The following PCDHGB7 variants were observed in gnomAD, a reference collection of about 807,000 sequenced individuals.
PCDHGB7 encodes protocadherin gamma-B7.
PCDHGB7 carries 37 observed loss-of-function variants against 61.4 expected under a neutral mutation model. The ratio of observed to expected loss-of-function variants is 0.60; its 90% CI spans 0.46 to 0.79. PCDHGB7 has a LOEUF of 0.79. Among genes scored for constraint, PCDHGB7 ranks in the 30% least tolerant of loss-of-function variants. The pLI is 0.00. For synonymous variants in PCDHGB7, 464 were observed against 503.5 expected (o/e 0.92, Z 1.05); for missense variants, 1,166 against 1,202.5 (o/e 0.97, Z 0.45).
Position 141,489,089 on chromosome 5 carries a change from A to T in PCDHGB7, c.2416-5718A>T, listed in dbSNP as rs1214993065. The T allele has an allele frequency of 7.4e-5, 21 of 284,398 alleles. No homozygotes were observed. Among genetic ancestry groups the T allele is most frequent in the East Asian group, 1.1e-4 (2 of 17,560 alleles). The allele number at this position is 284,398 out of a possible 1,614,324, so 17.6% of individuals were successfully genotyped here. On this transcript the variant is annotated intron_variant, in intron 1 of 3. Coordinates refer to ENST00000398594, the MANE Select transcript of PCDHGB7 (RefSeq NM_018927.4). This position sits in a 1 kb window ranked among gnomAD's most constrained non-coding sequence, Gnocchi z 4.5. ...CCCTGCCCACCCCCGCCACTCGGTGACTAAGAACTGCTGCAAGCAGGCAAA... is the reference window on the plus strand; with the variant it reads ...CCCTGCCCACCCCCGCCACTCGGTGTCTAAGAACTGCTGCAAGCAGGCAAA...
intron 1 of PCDHGB7, among the ~76,000 whole-genome samples, chr5:141,436,713 G>C (rs2097842329): frequency 6.6e-6 from 1 of 152,308 alleles, no homozygotes; most frequent in East Asian, 1.9e-4. Flanking sequence ...TCGATGTTCT[G>C]TTGGGAAAAA....
At position 141,431,641 on chromosome 5, in the gene PCDHGB7, A is replaced by G. The variant is rs772686680; in HGVS notation, c.2415+11367A>G. ...ACAAGGCGGCCCAAGTTTTCAAACT[A>G]GATTGTAATTCAGGGACAATATCAA... is the stretch of plus-strand genomic sequence containing the variant. On this transcript the variant is annotated intron_variant, in intron 1 of 3. Coordinates refer to ENST00000398594, the MANE Select transcript of PCDHGB7 (RefSeq NM_018927.4). This position sits in a 1 kb window ranked among gnomAD's most constrained non-coding sequence, Gnocchi z 4.8. The G allele has an allele frequency of 6.2e-7, 1 of 1,614,270 alleles. No individual in the cohort carries two copies. Among genetic ancestry groups the G allele is most frequent in the South Asian group, 1.1e-5 (1 of 91,092 alleles).
At chr5:141,505,592 A>G in intron 3 of PCDHGB7, 111 bp downstream of exon 3, 1 of 1,567,266 alleles carries the variant, frequency 6.4e-7, no homozygotes. Context: ...GTTTCTCCAG[A>G]TCTTTCGGCA....
rs779656906 is a variant in PCDHGB7 at position 141,476,872 on chromosome 5, C to T, written c.2416-17935C>T. On this transcript the variant is annotated intron_variant, in intron 1 of 3. Transcript: ENST00000398594. The surrounding 1 kb of genome is among the most constrained non-coding windows in gnomAD (Gnocchi z 7.6). ...TCAACCAGTCCTTGTACCGGGCGCG[C>T]GTCCTGGAGGATGCACCCTCCGGCA... 1.6e-4 allele frequency: 254 copies of T among 1,613,734 alleles called. No individual in the cohort carries two copies. The highest frequency in any genetic ancestry group is 2.1e-4 in the Non-Finnish European group (248 of 1,180,054).
rs949391796 is a variant in PCDHGB7 at position 141,493,050 on chromosome 5, A to G, written c.2416-1757A>G. 6.6e-6 allele frequency among the ~76,000 whole-genome samples: 1 copy of G among 152,262 alleles called. No homozygotes were observed. The highest frequency in any genetic ancestry group is 2.4e-5 in the African/African-American group (1 of 41,464). On this transcript the variant is annotated intron_variant, in intron 1 of 3. Coordinates refer to ENST00000398594, the MANE Select transcript of PCDHGB7 (RefSeq NM_018927.4). The surrounding 1 kb of genome is among the most constrained non-coding windows in gnomAD (Gnocchi z 4.3). Reference sequence around the variant, plus strand: ...CCCTTATGTGTGAGGAAACTACAATAGTAAAAAACACAAGTTTCTCCAACT... The same window carrying G: ...CCCTTATGTGTGAGGAAACTACAATGGTAAAAAACACAAGTTTCTCCAACT...
Position 141,432,292 on chromosome 5 carries a change from T to G in PCDHGB7, c.2415+12018T>G. 6.2e-7 allele frequency: 1 copy of G among 1,614,196 alleles called. No homozygotes were observed. The highest frequency in any genetic ancestry group is 8.5e-7 in the Non-Finnish European group (1 of 1,180,042). On this transcript the variant is annotated intron_variant, in intron 1 of 3. Transcript: ENST00000398594. This position sits in a 1 kb window ranked among gnomAD's most constrained non-coding sequence, Gnocchi z 6.0. Reference sequence around the variant, plus strand: ...CCTACGTGTCCATCAACTCCGACACTGGGGTACTGTATGCGCTGAGCTCCT... The same window carrying G: ...CCTACGTGTCCATCAACTCCGACACGGGGGTACTGTATGCGCTGAGCTCCT...
At chr5:141,461,242 T>G (rs1246270739) in intron 1 of PCDHGB7, among the ~76,000 whole-genome samples, 1 of 152,170 alleles carries the variant, frequency 6.6e-6, no homozygotes, top group Non-Finnish European at 1.5e-5. Context: ...TGTACTAATT[T>G]ATATTCCCAG....
chr5:141,508,507 TGGTCCAGCCCAACCTCAG>T (rs1377043623), intron 3 of PCDHGB7, among the ~76,000 whole-genome samples: 1 of 152,178 alleles, frequency 6.6e-6, no homozygotes, highest in Non-Finnish European at 1.5e-5. Flanking sequence ...CTCTCCCTCC[TGGTCCAGCCCAACCTCAG>T]GGCACCCCCC....
Position 141,417,902 on chromosome 5 carries a change from C to G in PCDHGB7, c.43C>G (p.Gln15Glu), listed in dbSNP as rs2096184021. Residue 15 changes from glutamine to glutamate, a missense_variant, in exon 1 of 4, where the codon CAG becomes GAG. By Grantham distance (29) the Gln-to-Glu change is conservative (BLOSUM62 2). Coordinates refer to ENST00000398594, the MANE Select transcript of PCDHGB7 (RefSeq NM_018927.4). ...CAQRRRAGPR[Q>E]VLFPLLLPLF... is the part of the protein sequence containing the mutation. Reference sequence around the variant, plus strand: ...GCAGAGGCGCCGGGCCGGCCCGCGGCAGGTACTATTTCCTTTGCTGCTGCC... The same window carrying G: ...GCAGAGGCGCCGGGCCGGCCCGCGGGAGGTACTATTTCCTTTGCTGCTGCC... The G allele has an allele frequency of 6.3e-7, 1 of 1,588,280 alleles. No individual in the cohort carries two copies. Among genetic ancestry groups the G allele is most frequent in the Non-Finnish European group, 8.6e-7 (1 of 1,167,002 alleles).
At chr5:141,447,023 G>GTT (rs5871773) in intron 1 of PCDHGB7, among the ~76,000 whole-genome samples, 2,010 of 151,524 alleles carry the variant, frequency 0.013, 40 homozygotes, top group African/African-American at 0.047. Context: ...GTTTTGTTTT[G>GTT]TTTTTTTTCT....
chr5:141,438,337 T>C (rs935624931), intron 1 of PCDHGB7, among the ~76,000 whole-genome samples: 25 of 151,926 alleles, frequency 1.6e-4, no homozygotes, highest in Non-Finnish European at 1.9e-4. Context: ...ACATGTCATA[T>C]AAGGATCTAC....
chr5:141,455,109 G>A (rs2098813382), intron 1 of PCDHGB7, among the ~76,000 whole-genome samples: 1 of 151,932 alleles, frequency 6.6e-6, no homozygotes, highest in South Asian at 2.1e-4. Context: ...ACTGCGCCCG[G>A]TGGGTCTAAT....
intron 1 of PCDHGB7, chr5:141,423,505 C>G: frequency 6.2e-7 from 1 of 1,613,932 alleles, no homozygotes; most frequent in Non-Finnish European, 8.5e-7. Context: ...CGAGGTCTCT[C>G]TCATTGCGGA....
At chr5:141,494,954 G>A in intron 2 of PCDHGB7, 89 bp downstream of exon 2, 2 of 1,601,116 alleles carry the variant, frequency 1.2e-6, no homozygotes. Context: ...CCCAGCATTT[G>A]CTACAGATGG....
At position 141,489,335 on chromosome 5, in the gene PCDHGB7, G is replaced by C. The variant is rs138015049; in HGVS notation, c.2416-5472G>C. 1.4e-5 allele frequency: 22 copies of C among 1,607,364 alleles called. No individual in the cohort carries two copies. Among genetic ancestry groups the C allele is most frequent in the Non-Finnish European group, 1.9e-5 (22 of 1,175,842 alleles). The stretch of plus-strand genomic sequence containing the variant: ...TGGGGCTGGGTGTCTGGGCAGCTTC[G>C]TTACTCAGTGGTGGAGGAGTCTGAG... On this transcript the variant is annotated intron_variant, in intron 1 of 3. Transcript: ENST00000398594. This position sits in a 1 kb window ranked among gnomAD's most constrained non-coding sequence, Gnocchi z 4.5.
chr5:141,465,142 T>TCCCTAA (rs2099097979), intron 1 of PCDHGB7, among the ~76,000 whole-genome samples: 3 of 151,990 alleles, frequency 2.0e-5, no homozygotes, highest in Non-Finnish European at 4.4e-5. Flanking sequence ...GTTTAGGGGA[T>TCCCTAA]ATATGAAGGG....
chr5:141,505,681 G>A (rs113733387), intron 3 of PCDHGB7, among the ~76,000 whole-genome samples, 200 bp downstream of exon 3: 92 of 152,324 alleles, frequency 6.0e-4, no homozygotes, highest in African/African-American at 2.1e-3. Flanking sequence ...GGGGTCCTGG[G>A]ATGCCTGGAG....
chr5:141,481,260 A>C (rs2099534771), intron 1 of PCDHGB7, among the ~76,000 whole-genome samples: 1 of 152,166 alleles, frequency 6.6e-6, no homozygotes, highest in Non-Finnish European at 1.5e-5. Context: ...CTAAAAGATC[A>C]CTGTAGGAAG....
intron 1 of PCDHGB7, chr5:141,421,138 G>T (rs2096548427): frequency 1.1e-6 from 1 of 899,466 alleles, no homozygotes. Context: ...ATATATTTTG[G>T]ATGTAGTCGG....
Sources: allele counts gnomAD v4.1 joint callset (sites outside exome capture counted in the v4.1 genomes callset), GRCh38; gene constraint gnomAD v4.1.1; non-coding constraint Gnocchi (gnomAD v3.1); transcripts MANE v1.5; gene names NCBI Gene and HGNC (gene_info 2026-07-23, HGNC 2026-07-21).